Variants in ERBB4 observed in about 807,000 individuals in gnomAD.
The protein encoded by ERBB4 is erb-b2 receptor tyrosine kinase 4, also known as receptor tyrosine-protein kinase erbB-4.
A neutral mutation model predicts 158.0 loss-of-function variants in ERBB4; 42 were observed. The observed-to-expected ratio is 0.27, with a 90% CI of 0.21 to 0.34. The LOEUF (loss-of-function observed/expected upper bound fraction) is 0.34, where lower values mean the gene tolerates loss of function less well. ERBB4 is among the 10% of genes least tolerant of loss of function. ERBB4 has a pLI of 1.00. For missense variants in ERBB4, 1,333 were observed against 1,624.1 expected, an observed-to-expected ratio of 0.82 and a Z score of 3.08; for synonymous variants, 583 against 558.7, an observed-to-expected ratio of 1.04 and a Z score of -0.61.
intron 1 of ERBB4, among the ~76,000 whole-genome samples, chr2:212,342,301 G>T (rs1271070442): frequency 1.3e-5 from 2 of 152,130 alleles, no homozygotes; most frequent in South Asian, 2.1e-4. Context: ...TCATGGGAGG[G>T]ACCTGGTGGG....
chr2:212,088,314 C>T (rs1328250906), intron 2 of ERBB4, among the ~76,000 whole-genome samples: 2 of 152,026 alleles, frequency 1.3e-5, no homozygotes, highest in Non-Finnish European at 2.9e-5. Context: ...AATTTTAAAC[C>T]ACTTTAGAGG....
chr2:211,478,443 A>G (rs906873714), intron 20 of ERBB4, among the ~76,000 whole-genome samples: 2 of 152,172 alleles, frequency 1.3e-5, no homozygotes, highest in Non-Finnish European at 2.9e-5. Context: ...AAAAGGAATC[A>G]CAGATTCTTC....
chr2:212,070,651 A>C (rs1388688926), intron 2 of ERBB4, among the ~76,000 whole-genome samples: 2 of 152,052 alleles, frequency 1.3e-5, no homozygotes, highest in African/African-American at 2.4e-5. Context: ...CAAAAGAATT[A>C]GTTTGGATCT....
chr2:211,410,096 A>G (rs1253618015), intron 25 of ERBB4, among the ~76,000 whole-genome samples: 1 of 152,232 alleles, frequency 6.6e-6, no homozygotes, highest in Non-Finnish European at 1.5e-5. Flanking sequence ...CATACATGCT[A>G]GGGAAAAAGA....
At chr2:212,429,364 C>T (rs1293041728) in intron 1 of ERBB4, 1 of 152,340 alleles carries the variant, frequency 6.6e-6, no homozygotes, top group African/African-American at 2.4e-5. Flanking sequence ...TAATCATCCA[C>T]ACAGGCCAGC....
At chr2:211,503,547 G>C (rs2065669878) in intron 20 of ERBB4, among the ~76,000 whole-genome samples, 1 of 152,106 alleles carries the variant, frequency 6.6e-6, no homozygotes, top group Admixed American at 6.5e-5. Context: ...ATCAGGAATG[G>C]TGTGACAAGA....
intron 1 of ERBB4, among the ~76,000 whole-genome samples, chr2:212,181,461 G>A (rs1337224083): frequency 6.6e-6 from 1 of 151,422 alleles, no homozygotes; most frequent in South Asian, 2.1e-4. Flanking sequence ...ACTTACTCTT[G>A]AAAACCTATA....
In ERBB4 at chr2:211,517,072, T is replaced by G. The variant is rs79376880; in HGVS notation, c.2487+44831A>C. ...AGTAGGTAAACAGCAAATTACAATT[T>G]CTCCACTTGCCCCATATACACTTTT... is the stretch of plus-strand genomic sequence containing the variant. On this transcript the variant is annotated intron_variant, in intron 20 of 27. Coordinates refer to ENST00000342788, the MANE Select transcript of ERBB4 (RefSeq NM_005235.3). Among the ~76,000 whole-genome samples, 22 of 152,256 alleles carry G rather than the reference T, an allele frequency of 1.4e-4. No individual in the cohort carries two copies. The East Asian group carries it at 4.1e-3, about 28-fold the overall frequency.
At chr2:211,526,776 C>T (rs1243550038) in intron 20 of ERBB4, among the ~76,000 whole-genome samples, 2 of 151,840 alleles carry the variant, frequency 1.3e-5, no homozygotes, top group African/African-American at 4.8e-5. Context: ...AGCAGAAATT[C>T]TGAAGTTGAA....
intron 1 of ERBB4, among the ~76,000 whole-genome samples, chr2:212,393,107 G>C (rs2090926543): frequency 6.6e-6 from 1 of 151,956 alleles, no homozygotes; most frequent in East Asian, 1.9e-4. Flanking sequence ...ATGCCTCTCT[G>C]CTCTCTCCAA....
At chr2:211,445,495 G>A (rs2064088913) in intron 20 of ERBB4, among the ~76,000 whole-genome samples, 1 of 151,974 alleles carries the variant, frequency 6.6e-6, no homozygotes, top group Non-Finnish European at 1.5e-5. Context: ...GTAATGACCA[G>A]ATTTATAGGA....
chr2:212,262,848 G>A (rs2084995861), intron 1 of ERBB4, among the ~76,000 whole-genome samples: 2 of 152,058 alleles, frequency 1.3e-5, no homozygotes, highest in South Asian at 4.2e-4. Context: ...TGTATGTCTG[G>A]AACTATATAT....
chr2:211,445,015 A>G (rs115086179), intron 20 of ERBB4, among the ~76,000 whole-genome samples: 1,619 of 152,272 alleles, frequency 0.011, 22 homozygotes, highest in African/African-American at 0.037. Context: ...GCACGTAAAA[A>G]GGATAGAGTT....
intron 4 of ERBB4, among the ~76,000 whole-genome samples, chr2:211,752,008 G>T (rs957574512): frequency 6.6e-6 from 1 of 152,112 alleles, no homozygotes. Context: ...AAGTATTGCC[G>T]CTGACATCAC....
intron 9 of ERBB4, 72 bp from the exon 10 acceptor site, chr2:211,705,463 A>C: frequency 2.0e-6 from 2 of 990,550 alleles, no homozygotes; most frequent in Non-Finnish European, 3.3e-6. Flanking sequence ...AAATGTGACA[A>C]TATTTTATTC....
chr2:212,058,022 T>C (rs554599597), intron 2 of ERBB4, among the ~76,000 whole-genome samples: 1 of 152,108 alleles, frequency 6.6e-6, no homozygotes, highest in South Asian at 2.1e-4. Context: ...ATCAACAAAA[T>C]TGATAGACTA....
At position 211,383,590 on chromosome 2, in the gene ERBB4, T is replaced by C; in HGVS notation, c.*25A>G. 6.3e-7 allele frequency: 1 copy of C among 1,595,422 alleles called. No individual in the cohort carries two copies. The highest frequency in any genetic ancestry group is 8.6e-7 in the Non-Finnish European group (1 of 1,164,884). On this transcript the variant is annotated 3_prime_UTR_variant, in exon 28 of 28. Transcript: ENST00000342788. ...GGGGAAATTGGAGCAGGTGTGTCTC[T>C]CCACCTAAAAAACCACAACTGAGCT...
chr2:211,792,340 G>A (rs2076294233), intron 3 of ERBB4, among the ~76,000 whole-genome samples: 1 of 151,402 alleles, frequency 6.6e-6, no homozygotes, highest in Non-Finnish European at 1.5e-5. Context: ...ATAAATATTT[G>A]ATTAATTGAA....
At chr2:211,735,074 G>A (rs1323696285) in intron 5 of ERBB4, among the ~76,000 whole-genome samples, 1 of 152,004 alleles carries the variant, frequency 6.6e-6, no homozygotes, top group Non-Finnish European at 1.5e-5. Context: ...ATGTGCTTAT[G>A]TGTATATGTA....
Sources: gnomAD v4.1 joint callset for allele counts (sites outside exome capture counted in the v4.1 genomes callset) on GRCh38, gnomAD v4.1.1 for gene constraint, MANE v1.5 for transcripts, NCBI Gene and HGNC (gene_info 2026-07-23, HGNC 2026-07-21) for gene names.